The following SHOC2 variants were observed in gnomAD, a reference collection of about 807,000 sequenced individuals.
SHOC2 encodes the protein leucine-rich repeat protein SHOC-2.
A neutral mutation model predicts 50.2 loss-of-function variants in SHOC2; 4 were observed. The ratio of observed to expected loss-of-function variants is 0.08; its 90% CI spans 0.04 to 0.18. The LOEUF (loss-of-function observed/expected upper bound fraction) is 0.18. Ranked by LOEUF, SHOC2 falls within the 10% of genes least tolerant of loss-of-function variation. The probability of loss-of-function intolerance (pLI) is 1.00; values close to 1 mark genes in which losing one functional copy is unlikely to be tolerated. For missense variants in SHOC2, 388 were observed against 669.6 expected (o/e 0.58, Z 4.64); for synonymous variants, 218 against 244.5 (o/e 0.89, Z 1.01).
At chr10:111,006,486 T>C (rs1014112680) in intron 5 of SHOC2, among the ~76,000 whole-genome samples, 1 of 151,832 alleles carries the variant, frequency 6.6e-6, no homozygotes, top group Non-Finnish European at 1.5e-5. Context: ...TTCTCCTGCC[T>C]CAGCCTCCCA....
At chr10:110,990,795 C>T (rs1162610036) in intron 3 of SHOC2, among the ~76,000 whole-genome samples, 1 of 152,128 alleles carries the variant, frequency 6.6e-6, no homozygotes, top group Non-Finnish European at 1.5e-5. Flanking sequence ...CAAAATGTTG[C>T]TTTACTCTAC....
In SHOC2 at chr10:110,964,460, T is replaced by G. The variant is rs764545601; in HGVS notation, c.102T>G (p.Phe34Leu). 4 of 1,613,952 alleles carry G rather than the reference T, an allele frequency of 2.5e-6. No individual in the cohort carries two copies. Among genetic ancestry groups the G allele is most frequent in the Non-Finnish European group, 3.4e-6 (4 of 1,179,942 alleles). Residue 34 changes from phenylalanine (F) to leucine (L), a missense_variant, in exon 2 of 9, where the codon TTT becomes TTG. Transcript: ENST00000369452. The surrounding 1 kb of genome is among the most constrained non-coding windows in gnomAD (Gnocchi z 4.9). Reference protein sequence around the residue: ...REKEAKASGGFGKESKEKEPK... With the variant: ...REKEAKASGGLGKESKEKEPK... ...AGGAGGCAAAAGCCTCTGGAGGTTT[T>G]GGGAAAGAGAGCAAAGAAAAAGAAC...
intron 1 of SHOC2, chr10:110,936,502 T>G (rs1269769840): frequency 3.4e-6 from 2 of 587,914 alleles, no homozygotes; most frequent in Non-Finnish European, 6.0e-6. Context: ...TTTAAATCTT[T>G]GAGAAACAGT....
chr10:110,997,658 C>A lies in SHOC2; in HGVS notation c.842-2757C>A, dbSNP rs147896820. ...TACAGAATGAAAATTATATATTGAA[C>A]ATCTATTATGTATCTGTTAGTCATG... On this transcript the variant is annotated intron_variant, in intron 3 of 8. Coordinates refer to ENST00000369452, the MANE Select transcript of SHOC2 (RefSeq NM_007373.4). Among the ~76,000 whole-genome samples the A allele has an allele frequency of 1.2e-3, 175 of 152,052 alleles. 3 individuals are homozygous for A. In the East Asian group the frequency reaches 0.03, roughly 26 times the overall value.
chr10:110,926,368 G>A (rs1590773534), intron 1 of SHOC2, among the ~76,000 whole-genome samples: 1 of 152,250 alleles, frequency 6.6e-6, no homozygotes, highest in South Asian at 2.1e-4. Context: ...CAGGCCCAAA[G>A]GAAGGACAAA....
chr10:111,009,147 G>T (rs1848522614), intron 6 of SHOC2, 101 bp from the exon 7 acceptor site: 3 of 776,134 alleles, frequency 3.9e-6, no homozygotes, highest in Non-Finnish European at 6.5e-6. Flanking sequence ...AATATTCACT[G>T]TTTGGAAAAT....
At chr10:110,987,866 A>G (rs1253304746) in intron 3 of SHOC2, among the ~76,000 whole-genome samples, 1 of 152,184 alleles carries the variant, frequency 6.6e-6, no homozygotes, top group Non-Finnish European at 1.5e-5. Context: ...CCATATAACC[A>G]AATGAACACA....
At chr10:110,943,612 T>C (rs1288002527) in intron 1 of SHOC2, among the ~76,000 whole-genome samples, 3 of 152,210 alleles carry the variant, frequency 2.0e-5, no homozygotes, top group African/African-American at 7.2e-5. Context: ...TGACCTTCTG[T>C]GAGCCTGTGT....
intron 2 of SHOC2, among the ~76,000 whole-genome samples, chr10:110,967,840 G>A (rs1847705939): frequency 6.6e-6 from 1 of 152,128 alleles, no homozygotes; most frequent in African/African-American, 2.4e-5. Context: ...TTCATTATAT[G>A]AGTATACCAC....
At chr10:110,970,368 C>T (rs1847756670) in intron 2 of SHOC2, among the ~76,000 whole-genome samples, 1 of 152,156 alleles carries the variant, frequency 6.6e-6, no homozygotes, top group Non-Finnish European at 1.5e-5. Context: ...CTGTGAATGA[C>T]AGAATTTTAT....
intron 1 of SHOC2, among the ~76,000 whole-genome samples, chr10:110,949,955 G>C (rs1847319537): frequency 6.6e-6 from 1 of 152,116 alleles, no homozygotes; most frequent in African/African-American, 2.4e-5. Context: ...TAAGCCCTCA[G>C]GTAGCTGGAA....
intron 1 of SHOC2, among the ~76,000 whole-genome samples, chr10:110,941,515 A>G: frequency 6.6e-6 from 1 of 151,934 alleles, no homozygotes; most frequent in East Asian, 1.9e-4. Flanking sequence ...TATTTTTAGT[A>G]GAGACAGGGT....
At chr10:110,975,520 T>C (rs2033759377) in intron 2 of SHOC2, among the ~76,000 whole-genome samples, 1 of 152,240 alleles carries the variant, frequency 6.6e-6, no homozygotes, top group African/African-American at 2.4e-5. Context: ...TGAAAGGCTT[T>C]CCTTTTCTTT....
intron 6 of SHOC2, 60 bp downstream of exon 6, chr10:111,007,713 A>C: frequency 6.4e-7 from 1 of 1,573,100 alleles, no homozygotes. Context: ...TCATTTAAAA[A>C]TTTCAAATTT....
chr10:110,927,015 A>AT (rs768541693), intron 1 of SHOC2, among the ~76,000 whole-genome samples: 34 of 152,264 alleles, frequency 2.2e-4, no homozygotes, highest in Non-Finnish European at 4.0e-4. Context: ...GAGTAGCAAC[A>AT]TTTTTTTCTT....
rs1399097338 is a variant in SHOC2 at position 110,919,794 on chromosome 10, G to T, written c.-235+137G>T. 3 of 392,672 alleles carry T rather than the reference G, an allele frequency of 7.6e-6. No individual in the cohort carries two copies. In the Admixed American group the frequency reaches 1.3e-4, roughly 17 times the overall value. 24.3% of individuals were successfully genotyped at this position (392,672 alleles called of 1,614,324 possible). A position where few individuals can be genotyped will look rare whatever the true frequency, so the allele number is the denominator to read the frequency against. On this transcript the variant is annotated intron_variant, in intron 1 of 8. Coordinates refer to ENST00000369452, the MANE Select transcript of SHOC2 (RefSeq NM_007373.4). ...CTGACAGGCGCGAGCCGGCAGCGCC[G>T]GGGCGAGGCCCGAGGGGCCGGGGCC...
intron 2 of SHOC2, among the ~76,000 whole-genome samples, chr10:110,966,277 A>G: frequency 6.6e-6 from 1 of 152,254 alleles, no homozygotes; most frequent in Admixed American, 6.5e-5. Flanking sequence ...AATATACTGT[A>G]GAGTATGACT....
intron 3 of SHOC2, among the ~76,000 whole-genome samples, chr10:110,990,190 G>A (rs546094504): frequency 2.0e-5 from 3 of 152,370 alleles, no homozygotes; most frequent in South Asian, 4.1e-4. Context: ...CTGCAGCCCT[G>A]GTGCGGGATC....
intron 1 of SHOC2, among the ~76,000 whole-genome samples, chr10:110,921,262 G>A (rs570242983): frequency 3.3e-5 from 5 of 152,270 alleles, no homozygotes; most frequent in East Asian, 3.9e-4. Flanking sequence ...ATGACCATTC[G>A]CCACATATGG....
Sources: allele counts gnomAD v4.1 joint callset (sites outside exome capture counted in the v4.1 genomes callset), GRCh38; gene constraint gnomAD v4.1.1; non-coding constraint Gnocchi (gnomAD v3.1); transcripts MANE v1.5; gene names NCBI Gene and HGNC (gene_info 2026-07-23, HGNC 2026-07-21).